Variants in RFX7 observed in about 807,000 individuals in gnomAD.
The protein encoded by RFX7 is regulatory factor X7.
RFX7 carries 26 observed loss-of-function variants against 111.8 expected under a neutral mutation model. The ratio of observed to expected loss-of-function variants is 0.23; its 90% CI spans 0.17 to 0.32. RFX7 has a LOEUF of 0.32. RFX7 is among the 10% of genes least tolerant of loss of function. RFX7 has a pLI of 1.00. For synonymous variants in RFX7, 624 were observed against 624.4 expected (o/e 1.00, Z 0.01); for missense variants, 1,573 against 1,772.9 (o/e 0.89, Z 2.02).
chr15:56,095,139 C>G lies in RFX7; in HGVS notation c.2589G>C (p.Glu863Asp), dbSNP rs549373889. 96 of 1,613,892 alleles carry G rather than the reference C, an allele frequency of 5.9e-5. No individual in the cohort carries two copies. The highest frequency in any genetic ancestry group is 8.1e-5 in the Non-Finnish European group (95 of 1,179,796). Reference sequence around the variant, plus strand: ...TTGTCTGGGAAACAGAAGGCTCAAACTCCTTCAGTTCAGATTGCAGAGGTA... The same window carrying G: ...TTGTCTGGGAAACAGAAGGCTCAAAGTCCTTCAGTTCAGATTGCAGAGGTA... ...DQLPLQSELK[E>D]FEPSVSQTNE... is the part of the protein sequence containing the mutation. Residue 863 changes from glutamate to aspartate, a missense_variant, in exon 10 of 10, where the codon GAG (glutamate) becomes GAC (aspartate). Glu to Asp is a conservative substitution (Grantham distance 45, BLOSUM62 2). This residue lies in a region of RFX7 where 625 missense variants were observed against 632.2 expected (regional missense o/e 0.99). Coordinates refer to ENST00000559447, the MANE Select transcript of RFX7 (RefSeq NM_022841.7).
At chr15:56,131,936 G>T (rs1161713650) in intron 5 of RFX7, among the ~76,000 whole-genome samples, 2 of 151,904 alleles carry the variant, frequency 1.3e-5, no homozygotes, top group Non-Finnish European at 2.9e-5. Context: ...AGAAATCTAG[G>T]AAGTTCCTAT....
At chr15:56,103,826 A>G (rs1174921585) in intron 5 of RFX7, among the ~76,000 whole-genome samples, 156 bp from the exon 6 acceptor site, 3 of 152,232 alleles carry the variant, frequency 2.0e-5, no homozygotes, top group Admixed American at 1.3e-4. Context: ...TTGGTGATGC[A>G]TGTTAACTCA....
chr15:56,144,415 G>A lies in RFX7; in HGVS notation c.264C>T (p.Ser88=). 1 of 1,362,632 alleles carries A rather than the reference G, an allele frequency of 7.3e-7. No homozygotes were observed. The highest frequency in any genetic ancestry group is 9.8e-7 in the Non-Finnish European group (1 of 1,017,508). The allele number at this position is 1,362,632 out of a possible 1,614,324, so 84.4% of individuals were successfully genotyped here. A position where few individuals can be genotyped will look rare whatever the true frequency, so the allele number is the denominator to read the frequency against. The change falls in exon 4 of 10, where the codon AGC becomes AGT. Residue 88 remains serine (S), a synonymous_variant. Transcript: ENST00000559447. ...AATAGATATACCTTTTCTCTCCATT[G>A]CTGAGACCAGAAGGCAGCTGAAGGT... ...YLYLQLPSGL[S]NGEKSDQNAM...
chr15:56,110,425 G>GC (rs1283117416), intron 5 of RFX7, among the ~76,000 whole-genome samples: 1 of 128,936 alleles, frequency 7.8e-6, no homozygotes, highest in African/African-American at 2.9e-5. Flanking sequence ...GGGGGGGTCA[G>GC]CCCCCCGCCC....
chr15:56,213,449 T>C (rs1166588382), intron 2 of RFX7, among the ~76,000 whole-genome samples: 1 of 152,222 alleles, frequency 6.6e-6, no homozygotes, highest in Non-Finnish European at 1.5e-5. Flanking sequence ...AGATGACTTA[T>C]GATCCTATCT....
chr15:56,237,552 A>G (rs60037792), intron 2 of RFX7, among the ~76,000 whole-genome samples: 90 of 152,362 alleles, frequency 5.9e-4, no homozygotes, highest in African/African-American at 2.1e-3. Context: ...TTTCATAACA[A>G]GACACTTCTC....
intron 2 of RFX7, among the ~76,000 whole-genome samples, chr15:56,180,706 G>C: frequency 7.2e-6 from 1 of 138,874 alleles, no homozygotes; most frequent in South Asian, 2.3e-4. Context: ...AGGAGTTCGA[G>C]ACCAGCTTGG....
chr15:56,109,998 G>A lies in RFX7; in HGVS notation c.402-6328C>T, dbSNP rs1172469413. Among the ~76,000 whole-genome samples the A allele has an allele frequency of 3.8e-4, 52 of 137,476 alleles. 1 individual carries two copies. The highest frequency in any genetic ancestry group is 5.1e-3 in the Middle Eastern group (1 of 198). 90.2% of individuals were successfully genotyped at this position (137,476 alleles called of 152,430 possible). A position where few individuals can be genotyped will look rare whatever the true frequency, so the allele number is the denominator to read the frequency against. On this transcript the variant is annotated intron_variant, in intron 5 of 9. Coordinates refer to ENST00000559447, the MANE Select transcript of RFX7 (RefSeq NM_022841.7). ...AGCCCCCTGCCCGGCCAGCCGCCCC[G>A]TCCGGGAGGCGAGGGGCGCCTCTGC...
At chr15:56,135,125 T>A (rs62044102) in intron 5 of RFX7, among the ~76,000 whole-genome samples, 1,864 of 152,326 alleles carry the variant, frequency 0.012, 14 homozygotes, top group Non-Finnish European at 0.018. Context: ...TTTGGGTATA[T>A]ACCCAGTAAT....
intron 5 of RFX7, among the ~76,000 whole-genome samples, chr15:56,114,288 G>C (rs1331050723): frequency 5.3e-5 from 8 of 151,572 alleles, no homozygotes; most frequent in Admixed American, 2.0e-4. Context: ...GTGGGCGCCT[G>C]TAATCCCAGT....
At chr15:56,183,797 G>T (rs1173253825) in intron 2 of RFX7, among the ~76,000 whole-genome samples, 1 of 151,672 alleles carries the variant, frequency 6.6e-6, no homozygotes, top group Non-Finnish European at 1.5e-5. Flanking sequence ...TAATGTTATA[G>T]GTTGAATGGG....
chr15:56,218,139 A>ATTTTTT (rs2043382660), intron 2 of RFX7, among the ~76,000 whole-genome samples: 1 of 51,942 alleles, frequency 1.9e-5, no homozygotes, highest in African/African-American at 9.0e-5. Context: ...TTTAGAAATG[A>ATTTTTT]TTTTCTTTTT....
intron 2 of RFX7, among the ~76,000 whole-genome samples, chr15:56,211,678 G>T (rs1309827107): frequency 1.3e-5 from 2 of 151,916 alleles, no homozygotes; most frequent in African/African-American, 4.8e-5. Context: ...CCAAAATACA[G>T]AAAGATTCTT....
At chr15:56,157,046 G>A (rs992996257) in intron 3 of RFX7, among the ~76,000 whole-genome samples, 3 of 152,286 alleles carry the variant, frequency 2.0e-5, no homozygotes, top group South Asian at 4.1e-4. Context: ...AATGTTCAAG[G>A]AACTGCCCGT....
intron 2 of RFX7, among the ~76,000 whole-genome samples, chr15:56,196,346 G>C (rs2043145551): frequency 6.6e-6 from 1 of 151,694 alleles, no homozygotes; most frequent in Admixed American, 6.6e-5. Flanking sequence ...TTATTCCCAT[G>C]AATGTATATA....
chr15:56,152,935 T>C (rs2042594720), intron 3 of RFX7, among the ~76,000 whole-genome samples: 1 of 152,088 alleles, frequency 6.6e-6, no homozygotes, highest in Non-Finnish European at 1.5e-5. Context: ...TAAAAACCTC[T>C]ATGCAAATAA....
chr15:56,105,081 G>A (rs11071248), intron 5 of RFX7, among the ~76,000 whole-genome samples: 9,916 of 152,142 alleles, frequency 0.065, 442 homozygotes, highest in Admixed American at 0.1. Context: ...GGTTCAAACC[G>A]GCACAAAAAG....
chr15:56,245,019 T>G (rs2043814211), upstream of RFX7, among the ~76,000 whole-genome samples: 1 of 152,210 alleles, frequency 6.6e-6, no homozygotes, highest in South Asian at 2.1e-4. Flanking sequence ...GTGGGTGTTA[T>G]GAGCCCTTCA....
chr15:56,116,570 A>G (rs2042011303), intron 5 of RFX7, among the ~76,000 whole-genome samples: 1 of 152,138 alleles, frequency 6.6e-6, no homozygotes, highest in African/African-American at 2.4e-5. Context: ...CCTACCATTC[A>G]TGAATGTATA....
Sources: gnomAD v4.1 joint callset for allele counts (sites outside exome capture counted in the v4.1 genomes callset) on GRCh38, gnomAD v4.1.1 for gene constraint, gnomAD v4.1.1 regional missense constraint, MANE v1.5 for transcripts, NCBI Gene and HGNC (gene_info 2026-07-23, HGNC 2026-07-21) for gene names.